The following CROCC variants were observed in gnomAD, a reference collection of about 807,000 sequenced individuals.
CROCC encodes rootletin.
Under a neutral mutation model 245.2 loss-of-function variants are expected in CROCC, and 180 were observed. That is an observed-to-expected ratio of 0.73 (90% CI 0.65 to 0.83). The LOEUF is 0.83. Ranked by LOEUF, CROCC falls within the 40% of genes least tolerant of loss-of-function variation. The pLI, the probability that CROCC is intolerant of heterozygous loss-of-function variation, is 0.00. For synonymous variants in CROCC, 1,205 were observed against 1,241.6 expected (o/e 0.97, Z 0.62); for missense variants, 2,688 against 2,779.4 (o/e 0.97, Z 0.74).
Position 16,929,872 on chromosome 1 carries a change from T to C in CROCC, c.378T>C (p.Pro126=). The C allele has an allele frequency of 6.3e-7, 1 of 1,577,878 alleles. No homozygotes were observed. The highest frequency in any genetic ancestry group is 8.6e-7 in the Non-Finnish European group (1 of 1,165,734). Residue 126 remains proline, a synonymous_variant, in exon 4 of 37, where the codon CCT becomes CCC. Transcript: ENST00000375541. ...TGGAGCAGGCTCTGCGGCTGGAGCCTGGGGAGCTGGAGACGCAGGAGCCCA... is the reference window on the plus strand; with the variant it reads ...TGGAGCAGGCTCTGCGGCTGGAGCCCGGGGAGCTGGAGACGCAGGAGCCCA... ...ERLEQALRLE[P]GELETQEPRG...
chr1:16,948,311 A>T lies in CROCC; in HGVS notation c.2515-20A>T. 3.9e-6 allele frequency: 6 copies of T among 1,543,046 alleles called. No individual in the cohort carries two copies. Among genetic ancestry groups the T allele is most frequent in the Non-Finnish European group, 5.2e-6 (6 of 1,149,892 alleles). ...CTGGGGGACGCTGGGAGTGCTACTC[A>T]GTCTCTGGGTGGGGGCCAGCTCTCC... On this transcript the variant is annotated intron_variant, in intron 17 of 36. Transcript: ENST00000375541.
At chr1:16,964,114 T>C (rs1236310553) in intron 27 of CROCC, among the ~76,000 whole-genome samples, 1 of 64,744 alleles carries the variant, frequency 1.5e-5, no homozygotes, top group Non-Finnish European at 4.7e-5. Context: ...TTTTTTCTTT[T>C]TCTTTTCTTT....
rs374785076 is a variant in CROCC, at chr1:16,954,874, C to A, written c.3462C>A (p.Arg1154=). Residue 1154 remains arginine (R), a synonymous_variant, in exon 23 of 37, where the codon CGC becomes CGA. Transcript: ENST00000375541. The surrounding 1 kb of genome is among the most constrained non-coding windows in gnomAD (Gnocchi z 4.4). ...GCAAGCAGCGGGACTCCTGTCTTCG[C>A]GAGGTGAGCAGCCGCCCCCCTCTTC... The part of the protein sequence containing the change: ...DLGKQRDSCL[R]EAEELRTQLR... The A allele has an allele frequency of 1.3e-5, 20 of 1,526,962 alleles. No individual in the cohort carries two copies. The highest frequency in any genetic ancestry group is 1.8e-5 in the Non-Finnish European group (20 of 1,129,190). The allele number at this position is 1,526,962 out of a possible 1,614,324, so 94.6% of individuals were successfully genotyped here.
Position 16,970,680 on chromosome 1 carries a change from G to A in CROCC, c.5697G>A (p.Leu1899=), listed in dbSNP as rs932220401. ...GTAGCCATGAGGACACAGTGCGGCTGAGCGCAGAGAAGGGCCGCCTGGACC... is the reference window on the plus strand; with the variant it reads ...GTAGCCATGAGGACACAGTGCGGCTAAGCGCAGAGAAGGGCCGCCTGGACC... ...KLRSHEDTVR[L]SAEKGRLDRT... The change falls in exon 35 of 37, where the codon CTG becomes CTA. Residue 1899 remains leucine, a synonymous_variant. Coordinates refer to ENST00000375541, the MANE Select transcript of CROCC (RefSeq NM_014675.5). 6.9e-5 allele frequency: 111 copies of A among 1,599,734 alleles called. No individual in the cohort carries two copies. The highest frequency in any genetic ancestry group is 9.3e-5 in the Non-Finnish European group (109 of 1,173,192).
At chr1:16,970,490 G>A in intron 34 of CROCC, 37 bp downstream of exon 34, 1 of 1,526,482 alleles carries the variant, frequency 6.6e-7, no homozygotes. Context: ...CACTTCCTCT[G>A]GGGCCTAACC....
chr1:16,958,285 C>T (rs769220386), intron 25 of CROCC, among the ~76,000 whole-genome samples: 23 of 152,224 alleles, frequency 1.5e-4, no homozygotes, highest in Non-Finnish European at 2.9e-4. Context: ...ACCCAGGGAG[C>T]TGTGGTTCCT....
In CROCC at chr1:16,939,816, T is replaced by C. The variant is rs551727362; in HGVS notation, c.1609-78T>C. ...CCCGCCTAGCGTAGGCTAGTGTGTA[T>C]CCCTGGAACCAGAAGAGAGTAGGTG... On this transcript the variant is annotated intron_variant, in intron 12 of 36. Coordinates refer to ENST00000375541, the MANE Select transcript of CROCC (RefSeq NM_014675.5). The C allele has an allele frequency of 3.3e-6, 5 of 1,522,408 alleles. No individual in the cohort carries two copies. In the East Asian group the frequency reaches 1.1e-4, roughly 34 times the overall value. The allele number at this position is 1,522,408 out of a possible 1,614,324, so 94.3% of individuals were successfully genotyped here. A position where few individuals can be genotyped will look rare whatever the true frequency, so the allele number is the denominator to read the frequency against.
upstream of CROCC, among the ~76,000 whole-genome samples, chr1:16,921,420 C>T (rs554043252): frequency 5.6e-3 from 849 of 152,142 alleles, no homozygotes; most frequent in African/African-American, 0.02. Context: ...CAGGCTGGAC[C>T]GCTCATGCCC....
upstream of CROCC, among the ~76,000 whole-genome samples, chr1:16,921,749 C>T (rs1266215071): frequency 6.6e-6 from 1 of 152,252 alleles, no homozygotes; most frequent in Non-Finnish European, 1.5e-5. Flanking sequence ...CTCCTCCCTC[C>T]TTTTCTCTCC....
In CROCC at chr1:16,936,886, T is replaced by C. The variant is rs780530425; in HGVS notation, c.1193+13T>C. On this transcript the variant is annotated intron_variant, in intron 9 of 36. Coordinates refer to ENST00000375541, the MANE Select transcript of CROCC (RefSeq NM_014675.5). ...ACCTCAGTGCCAGGTGGGTACCTGG[T>C]GGATGCCGCACGAGGCAGGCGTCCC... The C allele has an allele frequency of 1.1e-5, 17 of 1,602,326 alleles. No homozygotes were observed. The highest frequency in any genetic ancestry group is 1.3e-5 in the African/African-American group (1 of 74,772).
Position 16,952,619 on chromosome 1 carries a change from C to T in CROCC, c.3007-683C>T, listed in dbSNP as rs371901362. 8.5e-4 allele frequency among the ~76,000 whole-genome samples: 129 copies of T among 152,294 alleles called. 1 individual carries two copies. In the South Asian group the frequency reaches 0.016, roughly 18 times the overall value. On this transcript the variant is annotated intron_variant, in intron 20 of 36. Coordinates refer to ENST00000375541, the MANE Select transcript of CROCC (RefSeq NM_014675.5). The stretch of plus-strand genomic sequence containing the variant: ...CTGTGGGCTCTGCCTGCCCGCCTGT[C>T]CAGTCCCCAGGGATCTGAACTCCTG...
At chr1:16,938,334 G>A in intron 10 of CROCC, 66 bp from the exon 11 acceptor site, 1 of 1,437,364 alleles carries the variant, frequency 7.0e-7, no homozygotes, top group Non-Finnish European at 9.5e-7. Context: ...CAGGTAGGGA[G>A]GGAAAGGGGA....
chr1:16,930,263 G>T, intron 5 of CROCC, 23 bp from the exon 6 acceptor site: 1 of 1,594,796 alleles, frequency 6.3e-7, no homozygotes, highest in Non-Finnish European at 8.5e-7. Flanking sequence ...CCAACCTGAT[G>T]CTTTAACCTC....
rs372523664 is a variant in CROCC at position 16,968,248 on chromosome 1, G to T, written c.4906G>T (p.Asp1636Tyr). 3.2e-6 allele frequency: 5 copies of T among 1,567,974 alleles called. No individual in the cohort carries two copies. Among genetic ancestry groups the T allele is most frequent in the Non-Finnish European group, 4.3e-6 (5 of 1,158,012 alleles). ...GGCCAATGAGACAAAGCTGGAGGGC[G>T]ACAAGCGGCGCCTGAAGGAGGTTCT... ...MKANETKLEGDKRRLKEVLDA... is the reference protein window; with the variant it reads ...MKANETKLEGYKRRLKEVLDA... Residue 1636 changes from aspartate to tyrosine, a missense_variant, in exon 31 of 37, where the codon GAC becomes TAC. Asp to Tyr is a radical substitution (Grantham distance 160, BLOSUM62 -3). Coordinates refer to ENST00000375541, the MANE Select transcript of CROCC (RefSeq NM_014675.5).
At chr1:16,967,054 GAAAAGA>G (rs916161571) in intron 30 of CROCC, among the ~76,000 whole-genome samples, 1 of 80,604 alleles carries the variant, frequency 1.2e-5, no homozygotes, top group Non-Finnish European at 3.2e-5. Context: ...CTGTAAAAAA[GAAAAGA>G]AAAAAAAAAG....
At chr1:16,924,063 G>A (rs1456963743) in intron 2 of CROCC, among the ~76,000 whole-genome samples, 3 of 152,270 alleles carry the variant, frequency 2.0e-5, no homozygotes, top group African/African-American at 7.2e-5. Context: ...GGGGTCTCCT[G>A]GCTCCTAGAC....
intron 21 of CROCC, 41 bp downstream of exon 21, chr1:16,953,522 G>T: frequency 6.5e-7 from 1 of 1,545,062 alleles, no homozygotes; most frequent in Non-Finnish European, 8.7e-7. Flanking sequence ...TCTCTGAGCT[G>T]CTCCAGTTCT....
At chr1:16,952,330 A>C (rs922958111) in intron 20 of CROCC, among the ~76,000 whole-genome samples, 1 of 151,828 alleles carries the variant, frequency 6.6e-6, no homozygotes, top group African/African-American at 2.4e-5. Flanking sequence ...TAAAAATCAC[A>C]AAAAATTAGC....
At chr1:16,928,409 T>C (rs1274727544) in intron 3 of CROCC, among the ~76,000 whole-genome samples, 1 of 151,870 alleles carries the variant, frequency 6.6e-6, no homozygotes, top group African/African-American at 2.4e-5. Flanking sequence ...CCCACAGGGG[T>C]CTGAGGATGT....
Sources: gnomAD v4.1 joint callset for allele counts (sites outside exome capture counted in the v4.1 genomes callset) on GRCh38, gnomAD v4.1.1 for gene constraint, Gnocchi (gnomAD v3.1) non-coding constraint, MANE v1.5 for transcripts, NCBI Gene and HGNC (gene_info 2026-07-23, HGNC 2026-07-21) for gene names.